Variants in WWOX observed in about 807,000 individuals in gnomAD.
WWOX encodes WW domain-containing oxidoreductase.
In WWOX, 69 loss-of-function variants were observed where a neutral mutation model predicts 46.2. The observed-to-expected ratio is 1.49, with a 90% CI of 1.23 to 1.82. The LOEUF is 1.82. Among genes scored for constraint, WWOX ranks in the 40% most tolerant of loss-of-function variants. The probability of loss-of-function intolerance (pLI) is 0.00; values close to 1 mark genes in which losing one functional copy is unlikely to be tolerated. For missense variants in WWOX, 919 were observed against 542.6 expected (o/e 1.69, Z -6.89); for synonymous variants, 359 against 202.6 (o/e 1.77, Z -6.56).
chr16:78,762,444 G>A (rs560814941), intron 8 of WWOX, among the ~76,000 whole-genome samples: 1 of 152,324 alleles, frequency 6.6e-6, no homozygotes, highest in South Asian at 2.1e-4. Flanking sequence ...ACTTCCCACT[G>A]AGTCGAATAG....
intron 8 of WWOX, among the ~76,000 whole-genome samples, chr16:78,829,157 C>CAGATAGCTAGACAGATGGACAGAT (rs2051744374): frequency 6.6e-6 from 1 of 151,912 alleles, no homozygotes; most frequent in African/African-American, 2.4e-5. Flanking sequence ...GATAGGCAGA[C>CAGATAGCTAGACAGATGGACAGAT]AGATAGCTAG....
chr16:78,318,816 C>T (rs1303655491), intron 5 of WWOX, among the ~76,000 whole-genome samples: 1 of 152,260 alleles, frequency 6.6e-6, no homozygotes, highest in East Asian at 1.9e-4. Flanking sequence ...TTTCTACAAG[C>T]ATGACTCCTT....
At chr16:78,232,885 G>T (rs996678925) in intron 5 of WWOX, among the ~76,000 whole-genome samples, 1 of 150,274 alleles carries the variant, frequency 6.7e-6, no homozygotes, top group African/African-American at 2.5e-5. Context: ...CTCTGTCACC[G>T]GGCTGGAGTG....
At chr16:78,899,428 C>G (rs753106197) in intron 8 of WWOX, 4 of 152,198 alleles carry the variant, frequency 2.6e-5, no homozygotes, top group African/African-American at 9.6e-5. Context: ...CCGTATGTCA[C>G]TTTCCTTTAT....
intron 5 of WWOX, among the ~76,000 whole-genome samples, chr16:78,315,820 T>G (rs1330061097): frequency 6.9e-6 from 1 of 143,956 alleles, no homozygotes; most frequent in Non-Finnish European, 1.5e-5. Flanking sequence ...ATTCCATTAG[T>G]TTAAAAAAAA....
intron 8 of WWOX, among the ~76,000 whole-genome samples, chr16:78,862,210 C>G (rs986723492): frequency 1.4e-5 from 2 of 139,092 alleles, no homozygotes; most frequent in Non-Finnish European, 3.3e-5. Flanking sequence ...CTTTACACAC[C>G]TATGGGTGTG....
At chr16:78,471,413 A>G (rs2084217083) in intron 8 of WWOX, among the ~76,000 whole-genome samples, 1 of 152,304 alleles carries the variant, frequency 6.6e-6, no homozygotes, top group East Asian at 1.9e-4. Context: ...TTTTGCTTCA[A>G]ATGGGGAACA....
intron 8 of WWOX, among the ~76,000 whole-genome samples, chr16:78,520,755 C>G (rs1326356616): frequency 6.6e-6 from 1 of 152,134 alleles, no homozygotes; most frequent in Non-Finnish European, 1.5e-5. Flanking sequence ...TTCACCCTCC[C>G]TAAATCCCAG....
chr16:79,061,860 C>T (rs771448151), intron 8 of WWOX, among the ~76,000 whole-genome samples: 2 of 152,140 alleles, frequency 1.3e-5, no homozygotes, highest in African/African-American at 4.8e-5. Context: ...GTTTTGGCAG[C>T]CTTACTTGGT....
chr16:78,503,420 T>C (rs1056870772), intron 8 of WWOX, among the ~76,000 whole-genome samples: 1 of 152,046 alleles, frequency 6.6e-6, no homozygotes, highest in Non-Finnish European at 1.5e-5. Context: ...AGATCTTCAG[T>C]GTGGAATTTA....
At chr16:79,076,247 T>C (rs886871069) in intron 8 of WWOX, among the ~76,000 whole-genome samples, 1 of 152,240 alleles carries the variant, frequency 6.6e-6, no homozygotes, top group Admixed American at 6.5e-5. Context: ...CACAGTGTCG[T>C]GTTTGCTCCC....
At chr16:78,612,371 C>T (rs982846945) in intron 8 of WWOX, among the ~76,000 whole-genome samples, 8 of 152,224 alleles carry the variant, frequency 5.3e-5, no homozygotes, top group African/African-American at 1.9e-4. Context: ...TGAAGGAGGG[C>T]CCATCTCTTA....
At chr16:78,208,023 G>T (rs2036448496) in intron 5 of WWOX, among the ~76,000 whole-genome samples, 1 of 152,138 alleles carries the variant, frequency 6.6e-6, no homozygotes. Flanking sequence ...ATGTTGGCCA[G>T]GCTGGTCTCG....
intron 8 of WWOX, among the ~76,000 whole-genome samples, chr16:78,988,711 A>G (rs1291248476): frequency 1.3e-5 from 2 of 152,218 alleles, no homozygotes; most frequent in Non-Finnish European, 2.9e-5. Context: ...GCATTTGGGT[A>G]GGGAAATGGG....
At chr16:78,782,067 C>T (rs557847044) in intron 8 of WWOX, among the ~76,000 whole-genome samples, 7 of 152,254 alleles carry the variant, frequency 4.6e-5, no homozygotes, top group African/African-American at 1.7e-4. Context: ...GGGTAGGTGG[C>T]GGCTGCGGGG....
chr16:78,655,505 A>G (rs1165284699), intron 8 of WWOX, among the ~76,000 whole-genome samples: 1 of 152,282 alleles, frequency 6.6e-6, no homozygotes, highest in Admixed American at 6.5e-5. Flanking sequence ...CTGCCAAAAG[A>G]TCTCTTGACA....
intron 8 of WWOX, among the ~76,000 whole-genome samples, chr16:78,824,358 CA>C (rs1435507223): frequency 2.6e-5 from 4 of 152,126 alleles, no homozygotes; most frequent in Non-Finnish European, 5.9e-5. Context: ...AAGCTCCTCC[CA>C]AAGGTTAGCT....
chr16:78,300,858 T>C (rs887343371), intron 5 of WWOX, among the ~76,000 whole-genome samples: 10 of 152,202 alleles, frequency 6.6e-5, no homozygotes, highest in South Asian at 4.1e-4. Flanking sequence ...CCAGGGGCCA[T>C]ATGTTCACCA....
chr16:78,248,714 T>G (rs1271688226), intron 5 of WWOX, among the ~76,000 whole-genome samples: 1 of 152,000 alleles, frequency 6.6e-6, no homozygotes, highest in Non-Finnish European at 1.5e-5. Context: ...CCAGCCTGTG[T>G]AACAGAGCGA....
Sources: gnomAD v4.1 joint callset for allele counts (sites outside exome capture counted in the v4.1 genomes callset) on GRCh38, gnomAD v4.1.1 for gene constraint, MANE v1.5 for transcripts, NCBI Gene and HGNC (gene_info 2026-07-23, HGNC 2026-07-21) for gene names.